The following SRPK2 variants were observed in gnomAD, a reference collection of about 807,000 sequenced individuals.
SRPK2 encodes SFRS protein kinase 2.
SRPK2 carries 21 observed loss-of-function variants against 90.8 expected under a neutral mutation model. The observed-to-expected ratio is 0.23, with a 90% CI of 0.16 to 0.33. SRPK2 has a LOEUF of 0.33. Among genes scored for constraint, SRPK2 ranks in the 10% least tolerant of loss-of-function variants. SRPK2 has a pLI of 1.00. For synonymous variants in SRPK2, 288 were observed against 311.1 expected (o/e 0.93, Z 0.78); for missense variants, 620 against 869.0 (o/e 0.71, Z 3.60).
chr7:105,155,946 G>A (rs545354222), intron 7 of SRPK2, among the ~76,000 whole-genome samples: 10 of 152,278 alleles, frequency 6.6e-5, no homozygotes, highest in African/African-American at 2.4e-4. Context: ...CATTATAAAT[G>A]TTTGGGACAT....
chr7:105,166,588 T>C (rs1339966065), intron 6 of SRPK2, among the ~76,000 whole-genome samples: 1 of 152,240 alleles, frequency 6.6e-6, no homozygotes, highest in Non-Finnish European at 1.5e-5. Context: ...CAATTTACTG[T>C]AGTATGATCT....
chr7:105,114,833 C>T (rs1799538419), downstream of SRPK2, among the ~76,000 whole-genome samples: 1 of 152,182 alleles, frequency 6.6e-6, no homozygotes, highest in Non-Finnish European at 1.5e-5. Flanking sequence ...ATCCTAATCA[C>T]AGCTTCAAAT....
At chr7:105,327,928 G>A (rs887672957) in intron 2 of SRPK2, among the ~76,000 whole-genome samples, 7 of 152,164 alleles carry the variant, frequency 4.6e-5, no homozygotes, top group African/African-American at 7.2e-5. Flanking sequence ...AGCCTCCCGA[G>A]TAGCCGGGAC....
intron 2 of SRPK2, among the ~76,000 whole-genome samples, chr7:105,375,359 A>C (rs968940028): frequency 6.6e-6 from 1 of 152,188 alleles, no homozygotes; most frequent in Non-Finnish European, 1.5e-5. Flanking sequence ...GTATGGGGGT[A>C]TAAGAGAGCC....
At chr7:105,342,568 A>G (rs943878399) in intron 2 of SRPK2, among the ~76,000 whole-genome samples, 1 of 152,088 alleles carries the variant, frequency 6.6e-6, no homozygotes, top group Non-Finnish European at 1.5e-5. Flanking sequence ...CTTTCCTAAC[A>G]TGCTGTTTGC....
At chr7:105,267,258 A>C (rs1805212324) in intron 2 of SRPK2, among the ~76,000 whole-genome samples, 1 of 152,180 alleles carries the variant, frequency 6.6e-6, no homozygotes. Context: ...TTTCTCAATA[A>C]TATTCATCCA....
intron 2 of SRPK2, among the ~76,000 whole-genome samples, chr7:105,288,152 T>C (rs1318545309): frequency 6.6e-6 from 1 of 152,226 alleles, no homozygotes. Context: ...GGAAGTCTTA[T>C]GGAAGTTGTA....
chr7:105,145,441 G>C, intron 8 of SRPK2, 133 bp from the exon 9 acceptor site: 1 of 548,958 alleles, frequency 1.8e-6, no homozygotes, highest in Non-Finnish European at 3.1e-6. Context: ...ATTAATCAGA[G>C]CTTCTTAATC....
intron 2 of SRPK2, among the ~76,000 whole-genome samples, chr7:105,285,041 AT>A (rs1807872551): frequency 6.6e-6 from 1 of 152,148 alleles, no homozygotes; most frequent in Admixed American, 6.5e-5. Context: ...CAAGTTCTTC[AT>A]TTTTATCAGC....
chr7:105,184,097 T>A (rs1040984690), intron 3 of SRPK2, among the ~76,000 whole-genome samples: 2 of 146,148 alleles, frequency 1.4e-5, no homozygotes, highest in Non-Finnish European at 3.0e-5. Context: ...TGCCTCAGCC[T>A]CCGGAGTAGC....
chr7:105,355,351 T>TG (rs957820577), intron 2 of SRPK2, among the ~76,000 whole-genome samples: 2 of 147,276 alleles, frequency 1.4e-5, no homozygotes, highest in Admixed American at 1.3e-4. Flanking sequence ...AAAAATTTTT[T>TG]TTTCATTAGC....
At chr7:105,215,753 A>G (rs1164283329) in intron 2 of SRPK2, among the ~76,000 whole-genome samples, 1 of 152,248 alleles carries the variant, frequency 6.6e-6, no homozygotes, top group Non-Finnish European at 1.5e-5. Flanking sequence ...CACATGTATG[A>G]TTCAATTTGT....
At chr7:105,133,376 G>A (rs1348494950) in intron 11 of SRPK2, among the ~76,000 whole-genome samples, 5 of 152,184 alleles carry the variant, frequency 3.3e-5, no homozygotes, top group African/African-American at 9.7e-5. Flanking sequence ...TCGGGTCCAG[G>A]TCAGCCCTAG....
rs1168838034 is a variant in SRPK2, at chr7:105,203,664, C to G, written c.193G>C (p.Asp65His). The change falls in exon 3 of 16, where the codon GAT (aspartate) becomes CAT (histidine). Residue 65 changes from aspartate to histidine, a missense_variant. This residue lies in a region of SRPK2 where 196 missense variants were observed against 339.2 expected (regional missense o/e 0.58). Transcript: ENST00000393651. ...TCCGCAGGGTCCTCTTGCTCCTCAT[C>G]ATCTGATCCCAGGATCTCCTCCTCT... Reference protein sequence around the residue: ...EPEEEILGSDDEEQEDPADYC... With the variant: ...EPEEEILGSDHEEQEDPADYC... 1.9e-6 allele frequency: 3 copies of G among 1,552,112 alleles called. No homozygotes were observed. Among genetic ancestry groups the G allele is most frequent in the Non-Finnish European group, 2.6e-6 (3 of 1,154,004 alleles).
intron 2 of SRPK2, among the ~76,000 whole-genome samples, chr7:105,331,337 A>AAAAAAAAAAAG: frequency 7.1e-6 from 1 of 141,830 alleles, no homozygotes; most frequent in Admixed American, 7.0e-5. Context: ...AAAAAAAAAA[A>AAAAAAAAAAAG]CAAATAGTTA....
chr7:105,159,388 C>CAATGAGCTGAGATTGCA (rs2129581612), intron 7 of SRPK2, among the ~76,000 whole-genome samples: 1 of 127,114 alleles, frequency 7.9e-6, no homozygotes, highest in Non-Finnish European at 1.6e-5. Flanking sequence ...CAGGAGGCTG[C>CAATGAGCTGAGATTGCA]AATGAGCTGA....
At chr7:105,306,911 A>G (rs1811210469) in intron 2 of SRPK2, among the ~76,000 whole-genome samples, 1 of 152,258 alleles carries the variant, frequency 6.6e-6, no homozygotes, top group African/African-American at 2.4e-5. Flanking sequence ...GGAGACTCAC[A>G]CTTATGGAAA....
chr7:105,155,865 G>GTACT (rs1806418645), intron 7 of SRPK2, among the ~76,000 whole-genome samples: 1 of 152,190 alleles, frequency 6.6e-6, no homozygotes, highest in Non-Finnish European at 1.5e-5. Flanking sequence ...TTACCAGTGA[G>GTACT]TACTTTCTCT....
intron 2 of SRPK2, among the ~76,000 whole-genome samples, chr7:105,363,412 C>T (rs996073962): frequency 6.6e-6 from 1 of 152,246 alleles, no homozygotes; most frequent in African/African-American, 2.4e-5. Context: ...ATGCAACCAA[C>T]AGACACATGA....
Sources: allele counts gnomAD v4.1 joint callset (sites outside exome capture counted in the v4.1 genomes callset), GRCh38; gene constraint gnomAD v4.1.1; regional missense constraint gnomAD v4.1.1; transcripts MANE v1.5; gene names NCBI Gene and HGNC (gene_info 2026-07-23, HGNC 2026-07-21).